MAGI2: variants seen among roughly 807,000 people sequenced by gnomAD.
MAGI2 encodes the protein membrane-associated guanylate kinase, WW and PDZ domain-containing protein 2.
In MAGI2, 35 loss-of-function variants were observed where a neutral mutation model predicts 133.3. The observed-to-expected ratio is 0.26, with a 90% CI of 0.20 to 0.35. MAGI2 has a LOEUF of 0.35. MAGI2 is among the 10% of genes least tolerant of loss of function. MAGI2 has a pLI of 1.00. For missense variants in MAGI2, 1,636 were observed against 1,863.4 expected (o/e 0.88, Z 2.25); for synonymous variants, 729 against 710.6 (o/e 1.03, Z -0.41).
Position 79,203,058 on chromosome 7 carries a change from T to C in MAGI2, c.302-195852A>G, listed in dbSNP as rs567116557. Among the ~76,000 whole-genome samples the C allele has an allele frequency of 7.1e-4, 108 of 152,114 alleles. 3 individuals carry two copies. Among genetic ancestry groups the C allele is most frequent in the African/African-American group, 2.4e-3 (101 of 41,414 alleles). ...TTTCCATTTTAGTACAGAGCACATA[T>C]AATTTTCCAGAACTTATAATGGATC... On this transcript the variant is annotated intron_variant, in intron 1 of 21. Transcript: ENST00000354212.
chr7:79,307,666 A>G (rs1837931569), intron 1 of MAGI2, among the ~76,000 whole-genome samples: 1 of 152,210 alleles, frequency 6.6e-6, no homozygotes, highest in Non-Finnish European at 1.5e-5. Flanking sequence ...AGGGTTTAAG[A>G]TAAATGCTGG....
intron 2 of MAGI2, among the ~76,000 whole-genome samples, chr7:78,710,454 G>A (rs142691072): frequency 6.6e-6 from 1 of 152,250 alleles, no homozygotes; most frequent in East Asian, 1.9e-4. Context: ...TGTGACTCTT[G>A]ACCCATTCTT....
At chr7:79,221,619 C>T (rs1200175950) in intron 1 of MAGI2, among the ~76,000 whole-genome samples, 1 of 152,002 alleles carries the variant, frequency 6.6e-6, no homozygotes, top group Non-Finnish European at 1.5e-5. Flanking sequence ...TAAAATCATA[C>T]TGGGGAAGGC....
chr7:78,525,457 T>C (rs1311420732), intron 3 of MAGI2, among the ~76,000 whole-genome samples: 1 of 152,144 alleles, frequency 6.6e-6, no homozygotes, highest in Non-Finnish European at 1.5e-5. Context: ...GTATCAAGGA[T>C]AAAATGTGCC....
At chr7:79,316,507 A>G (rs1303302585) in intron 1 of MAGI2, among the ~76,000 whole-genome samples, 3 of 152,202 alleles carry the variant, frequency 2.0e-5, no homozygotes, top group Admixed American at 6.5e-5. Flanking sequence ...ACGCACATAC[A>G]TATGCATTTC....
intron 6 of MAGI2, among the ~76,000 whole-genome samples, chr7:78,463,725 C>A (rs1790318589): frequency 6.6e-6 from 1 of 152,044 alleles, no homozygotes; most frequent in African/African-American, 2.4e-5. Flanking sequence ...GGAAAGGCTT[C>A]CGTTTAGGAA....
intron 2 of MAGI2, among the ~76,000 whole-genome samples, chr7:78,955,885 C>A (rs1252786317): frequency 4.0e-5 from 6 of 151,696 alleles, no homozygotes; most frequent in Non-Finnish European, 8.8e-5. Context: ...AACTCTTTTA[C>A]ATTAGAAACA....
chr7:78,128,346 T>C (rs1360322448), intron 18 of MAGI2, among the ~76,000 whole-genome samples: 1 of 152,186 alleles, frequency 6.6e-6, no homozygotes, highest in Admixed American at 6.5e-5. Context: ...ATGGAGGCCA[T>C]TTAATTCTGT....
chr7:79,191,378 C>A (rs1376923910), intron 1 of MAGI2, among the ~76,000 whole-genome samples: 1 of 52,854 alleles, frequency 1.9e-5, no homozygotes, highest in East Asian at 5.4e-4. Context: ...AGCATTTCTT[C>A]TTTTTTTCTT....
At chr7:78,537,730 A>G (rs941495489) in intron 3 of MAGI2, among the ~76,000 whole-genome samples, 1 of 151,928 alleles carries the variant, frequency 6.6e-6, no homozygotes, top group South Asian at 2.1e-4. Context: ...AGTTCCTTGT[A>G]GATTCTAAGT....
chr7:78,977,809 A>G (rs1425510098), intron 2 of MAGI2, among the ~76,000 whole-genome samples: 5 of 151,860 alleles, frequency 3.3e-5, no homozygotes, highest in African/African-American at 9.7e-5. Flanking sequence ...ATGTGTAACC[A>G]AAATAACAGA....
intron 2 of MAGI2, among the ~76,000 whole-genome samples, chr7:78,777,494 C>T (rs778604732): frequency 4.6e-5 from 7 of 152,248 alleles, no homozygotes; most frequent in South Asian, 2.1e-4. Flanking sequence ...TCACCACCAT[C>T]GTCATCATAA....
At chr7:79,440,601 G>A (rs1004504578) in intron 1 of MAGI2, among the ~76,000 whole-genome samples, 2 of 151,636 alleles carry the variant, frequency 1.3e-5, no homozygotes, top group Non-Finnish European at 2.9e-5. Flanking sequence ...CCTTATATTG[G>A]TAAAGAAAGT....
intron 1 of MAGI2, among the ~76,000 whole-genome samples, chr7:79,360,573 G>T (rs1174740823): frequency 1.3e-5 from 2 of 151,806 alleles, no homozygotes; most frequent in African/African-American, 4.8e-5. Context: ...ATATTTAAAA[G>T]CGGGGTAGGA....
intron 3 of MAGI2, among the ~76,000 whole-genome samples, chr7:78,554,240 C>T (rs1799598211): frequency 2.0e-5 from 3 of 152,140 alleles, no homozygotes; most frequent in African/African-American, 7.2e-5. Context: ...GCAAAGCTGT[C>T]TGTGAAGTGA....
At chr7:78,187,739 T>C (rs770981881) in intron 12 of MAGI2, among the ~76,000 whole-genome samples, 1 of 152,168 alleles carries the variant, frequency 6.6e-6, no homozygotes, top group South Asian at 2.1e-4. Context: ...AGAAATGTCC[T>C]TTTGTCTGTA....
At chr7:79,022,327 A>G (rs1809412862) in intron 1 of MAGI2, among the ~76,000 whole-genome samples, 1 of 152,180 alleles carries the variant, frequency 6.6e-6, no homozygotes, top group Non-Finnish European at 1.5e-5. Flanking sequence ...ATTTGAAACT[A>G]ATGAGAAAAA....
rs536865332 is a variant in MAGI2 at position 78,455,156 on chromosome 7, G to A, written c.1045+34605C>T. Among the ~76,000 whole-genome samples the A allele has an allele frequency of 2.0e-5, 3 of 149,132 alleles. No individual in the cohort carries two copies. In the South Asian group the frequency reaches 6.4e-4, roughly 32 times the overall value. ...TATTAATAAAGGGGAAACTGTATAT[G>A]TGTGTGGAGGGAGGGTGGGGCAGGT... On this transcript the variant is annotated intron_variant, in intron 6 of 21. Transcript: ENST00000354212.
At chr7:78,143,970 ATTAGTGGCTGTCTATGTTT>A (rs1023933333) in intron 16 of MAGI2, among the ~76,000 whole-genome samples, 29 of 151,328 alleles carry the variant, frequency 1.9e-4, no homozygotes, top group African/African-American at 6.8e-4. Context: ...CTGTCTTTAA[ATTAGTGGCTGTCTATGTTT>A]TTAGTCCTCC....
Sources: gnomAD v4.1 joint callset for allele counts (sites outside exome capture counted in the v4.1 genomes callset) on GRCh38, gnomAD v4.1.1 for gene constraint, MANE v1.5 for transcripts, NCBI Gene and HGNC (gene_info 2026-07-23, HGNC 2026-07-21) for gene names.